AGO2: variants seen among roughly 807,000 people sequenced by gnomAD.
The protein encoded by AGO2 is argonaute RISC catalytic component 2.
AGO2 carries 5 observed loss-of-function variants against 102.3 expected under a neutral mutation model. The ratio of observed to expected loss-of-function variants is 0.05; its 90% CI spans 0.03 to 0.10. AGO2 has a LOEUF of 0.10. AGO2 is among the 10% of genes least tolerant of loss of function. The pLI is 1.00. For missense variants in AGO2, 541 were observed against 1,183.7 expected (o/e 0.46, Z 7.97); for synonymous variants, 449 against 473.1 (o/e 0.95, Z 0.66).
intron 1 of AGO2, among the ~76,000 whole-genome samples, chr8:140,598,220 G>C (rs542062011): frequency 6.6e-6 from 1 of 152,342 alleles, no homozygotes; most frequent in African/African-American, 2.4e-5. Flanking sequence ...TGAACCCCGA[G>C]ACGGCGTGTT....
chr8:140,604,420 C>T (rs1041965968), intron 1 of AGO2, among the ~76,000 whole-genome samples: 5 of 152,270 alleles, frequency 3.3e-5, no homozygotes, highest in Middle Eastern at 3.4e-3. Flanking sequence ...TGGCTGGGCG[C>T]GGTGGCTCAC....
At position 140,532,591 on chromosome 8, in the gene AGO2, G is replaced by A; in HGVS notation, c.2296C>T (p.His766Tyr). 1 of 1,614,262 alleles carries A rather than the reference G, an allele frequency of 6.2e-7. No homozygotes were observed. The highest frequency in any genetic ancestry group is 8.5e-7 in the Non-Finnish European group (1 of 1,180,048). ...IQGTSRPSHY[H>Y]VLWDDNRFSS... ...AAACGATTGTCGTCCCAGAGGACGT[G>A]ATAGTGCGAAGGCCTGCTTGTCCCC... The change falls in exon 18 of 19, where the codon CAC becomes TAC. Residue 766 changes from histidine to tyrosine, a missense_variant. Transcript: ENST00000220592.
chr8:140,534,046 C>A (rs1038008378), intron 17 of AGO2, among the ~76,000 whole-genome samples: 2 of 152,230 alleles, frequency 1.3e-5, no homozygotes, highest in South Asian at 2.1e-4. Context: ...CAGTCCCTGC[C>A]ACCTGCTCTG....
chr8:140,591,660 A>G (rs1588485968), intron 1 of AGO2: 1 of 152,146 alleles, frequency 6.6e-6, no homozygotes, highest in Non-Finnish European at 1.5e-5. Context: ...TTGTGGTTCA[A>G]CCTGAAACTG....
chr8:140,600,307 G>T (rs1348660583), intron 1 of AGO2, among the ~76,000 whole-genome samples: 2 of 152,230 alleles, frequency 1.3e-5, no homozygotes, highest in African/African-American at 4.8e-5. Context: ...CGAGGCCTCT[G>T]CTTCCCAGCC....
intron 1 of AGO2, among the ~76,000 whole-genome samples, chr8:140,631,194 T>C (rs1356359824): frequency 6.6e-6 from 1 of 150,982 alleles, no homozygotes; most frequent in African/African-American, 2.4e-5. Flanking sequence ...CTAAAACCAT[T>C]AAAGAAAAAA....
chr8:140,583,405 G>A (rs1418807685), intron 2 of AGO2, among the ~76,000 whole-genome samples: 1 of 152,142 alleles, frequency 6.6e-6, no homozygotes, highest in Admixed American at 6.5e-5. Flanking sequence ...TTAACCATGG[G>A]GATATGGCCT....
intron 7 of AGO2, 54 bp downstream of exon 7, chr8:140,558,431 C>T (rs1334236627): frequency 5.8e-6 from 9 of 1,557,898 alleles, no homozygotes; most frequent in East Asian, 4.5e-5. Context: ...GTGTGCCCGT[C>T]GGAGTGACAG....
At chr8:140,544,155 T>C in intron 14 of AGO2, 58 bp downstream of exon 14, 3 of 1,500,392 alleles carry the variant, frequency 2.0e-6, no homozygotes, top group Non-Finnish European at 2.7e-6. Flanking sequence ...ACAGTGGGAC[T>C]TCGACAGCGT....
At chr8:140,631,892 C>T (rs574572450) in intron 1 of AGO2, among the ~76,000 whole-genome samples, 1 of 152,210 alleles carries the variant, frequency 6.6e-6, no homozygotes, top group African/African-American at 2.4e-5. Flanking sequence ...ACCCTGATGA[C>T]TGCTAAAGCT....
In AGO2 at chr8:140,521,534, T is replaced by A. The variant is rs1182987676; in HGVS notation, c.*10510A>T. The stretch of plus-strand genomic sequence containing the variant: ...CTTAAGACTCCAAAATATTGTTACC[T>A]CCAAAGAATTAAGTAAAAAAAGATC... On this transcript the variant is annotated 3_prime_UTR_variant, in exon 19 of 19. Coordinates refer to ENST00000220592, the MANE Select transcript of AGO2 (RefSeq NM_012154.5). The A allele has an allele frequency of 6.6e-6, 1 of 152,224 alleles. No individual in the cohort carries two copies. The highest frequency in any genetic ancestry group is 6.5e-5 in the Admixed American group (1 of 15,280). The allele number at this position is 152,224 out of a possible 1,614,324, so 9.4% of individuals were successfully genotyped here.
At chr8:140,598,673 C>G (rs781091300) in intron 1 of AGO2, among the ~76,000 whole-genome samples, 3 of 152,190 alleles carry the variant, frequency 2.0e-5, no homozygotes, top group Non-Finnish European at 4.4e-5. Flanking sequence ...TGCTCTCCAT[C>G]TGCTCTGGGA....
At position 140,558,470 on chromosome 8, in the gene AGO2, G is replaced by T. The variant is rs771668484; in HGVS notation, c.878+15C>A. 6.2e-7 allele frequency: 1 copy of T among 1,614,116 alleles called. No homozygotes were observed. Among genetic ancestry groups the T allele is most frequent in the South Asian group, 1.1e-5 (1 of 91,086 alleles). The stretch of plus-strand genomic sequence containing the variant: ...GGGCCCCAGCCAAGAGAGTCTGAAA[G>T]GAAGGGCGTGTTACGTTTGGTGACT... On this transcript the variant is annotated intron_variant, in intron 7 of 18. Coordinates refer to ENST00000220592, the MANE Select transcript of AGO2 (RefSeq NM_012154.5).
chr8:140,575,925 A>T lies in AGO2; in HGVS notation c.216-2993T>A, dbSNP rs755138746. Among the ~76,000 whole-genome samples, 34 of 152,214 alleles carry T rather than the reference A, an allele frequency of 2.2e-4. 2 individuals carry two copies. The highest frequency in any genetic ancestry group is 2.4e-5 in the African/African-American group (1 of 41,456). ...CTTGGGATAGACAAAAATTTCTAAG[A>T]AATGTCCCTAAAGGAAAAATTCATA... is the stretch of plus-strand genomic sequence containing the variant. On this transcript the variant is annotated intron_variant, in intron 2 of 18. Transcript: ENST00000220592.
intron 1 of AGO2, among the ~76,000 whole-genome samples, chr8:140,614,016 A>G (rs2074111299): frequency 4.0e-4 from 5 of 12,448 alleles, no homozygotes; most frequent in African/African-American, 1.3e-3. Context: ...ACCCTGTCTC[A>G]AAAAAAAAAA....
Position 140,523,670 on chromosome 8 carries a change from C to CA in AGO2, c.*8373dup, listed in dbSNP as rs2072452878. 1 of 152,198 alleles carries CA rather than the reference C, an allele frequency of 6.6e-6. No homozygotes were observed. Among genetic ancestry groups the CA allele is most frequent in the Non-Finnish European group, 1.5e-5 (1 of 68,044 alleles). 9.4% of individuals were successfully genotyped at this position (152,198 alleles called of 1,614,324 possible). A position where few individuals can be genotyped will look rare whatever the true frequency, so the allele number is the denominator to read the frequency against. On this transcript the variant is annotated 3_prime_UTR_variant, in exon 19 of 19. Coordinates refer to ENST00000220592, the MANE Select transcript of AGO2 (RefSeq NM_012154.5). ...TAACAACTACATTAAAATCCACTATCAAACTCAGGCCTGGAATTTCAATGC... is the reference window on the plus strand; with the variant it reads ...TAACAACTACATTAAAATCCACTATCAAAACTCAGGCCTGGAATTTCAATGC...
At chr8:140,549,441 T>A in intron 11 of AGO2, 143 bp from the exon 12 acceptor site, 2 of 771,976 alleles carry the variant, frequency 2.6e-6, no homozygotes, top group Non-Finnish European at 4.0e-6. Flanking sequence ...AAGTCCTGAA[T>A]GAGGCCAGAA....
rs570820138 is a variant in AGO2, at chr8:140,603,161, C to T, written c.23-17850G>A. On this transcript the variant is annotated intron_variant, in intron 1 of 18. Coordinates refer to ENST00000220592, the MANE Select transcript of AGO2 (RefSeq NM_012154.5). ...GGGTTGACTCAGGCCCCCACGGCGG[C>T]GTGGCGGAGATTAAAGATGGGGTCT... is the stretch of plus-strand genomic sequence containing the variant. 1.7e-3 allele frequency among the ~76,000 whole-genome samples: 262 copies of T among 152,302 alleles called. 1 individual carries two copies. The highest frequency in any genetic ancestry group is 6.0e-3 in the African/African-American group (248 of 41,572).
rs1270066540 is a variant in AGO2, at chr8:140,525,351, G to A, written c.*6693C>T. On this transcript the variant is annotated 3_prime_UTR_variant, in exon 19 of 19. Transcript: ENST00000220592. ...GTGCAGTGTCCCCTCGAAACACCCTGGACCAGATTCTGACAGCCCAAGGCC... is the reference window on the plus strand; with the variant it reads ...GTGCAGTGTCCCCTCGAAACACCCTAGACCAGATTCTGACAGCCCAAGGCC... 6.6e-6 allele frequency: 1 copy of A among 152,104 alleles called. No individual in the cohort carries two copies. Among genetic ancestry groups the A allele is most frequent in the Non-Finnish European group, 1.5e-5 (1 of 68,052 alleles). 9.4% of individuals were successfully genotyped at this position (152,104 alleles called of 1,614,324 possible). A position where few individuals can be genotyped will look rare whatever the true frequency, so the allele number is the denominator to read the frequency against.
Sources: allele counts gnomAD v4.1 joint callset (sites outside exome capture counted in the v4.1 genomes callset), GRCh38; gene constraint gnomAD v4.1.1; transcripts MANE v1.5; gene names NCBI Gene and HGNC (gene_info 2026-07-23, HGNC 2026-07-21).